Variants in XDH observed in about 807,000 individuals in gnomAD.
XDH encodes xanthine dehydrogenase.
A neutral mutation model predicts 156.1 loss-of-function variants in XDH; 138 were observed. That is an observed-to-expected ratio of 0.88 (90% CI 0.77 to 1.02). The LOEUF (loss-of-function observed/expected upper bound fraction) is 1.02, where lower values mean the gene tolerates loss of function less well. Among genes scored for constraint, XDH ranks in the 50% least tolerant of loss-of-function variants. The pLI is 0.00. For synonymous variants in XDH, 669 were observed against 625.7 expected (o/e 1.07, Z -1.03); for missense variants, 1,849 against 1,684.9 (o/e 1.10, Z -1.71).
At chr2:31,364,270 T>C in intron 23 of XDH, 26 bp from the exon 24 acceptor site, 3 of 1,600,474 alleles carry the variant, frequency 1.9e-6, no homozygotes, top group Non-Finnish European at 2.6e-6. Context: ...AGGAGAGGGA[T>C]TTATCATAAG....
At chr2:31,398,797 G>C in intron 4 of XDH, 98 bp from the exon 5 acceptor site, 1 of 1,581,626 alleles carries the variant, frequency 6.3e-7, no homozygotes, top group South Asian at 1.1e-5. Flanking sequence ...GAGATAGTGG[G>C]GGTAGTAATC....
At chr2:31,336,962 G>A (rs555202934) in intron 35 of XDH, among the ~76,000 whole-genome samples, 5 of 150,202 alleles carry the variant, frequency 3.3e-5, no homozygotes, top group South Asian at 2.1e-4. Flanking sequence ...TCCCCAAAGC[G>A]GAAGCAACCG....
chr2:31,398,728 G>T, intron 4 of XDH, 29 bp from the exon 5 acceptor site: 1 of 1,612,630 alleles, frequency 6.2e-7, no homozygotes, highest in Non-Finnish European at 8.5e-7. Flanking sequence ...ATAGACACCT[G>T]GGATGGCAGA....
chr2:31,408,200 A>G (rs1407201281), intron 1 of XDH, among the ~76,000 whole-genome samples: 1 of 152,100 alleles, frequency 6.6e-6, no homozygotes, highest in African/African-American at 2.4e-5. Flanking sequence ...CTAAAAATAC[A>G]TTTTATATCT....
intron 35 of XDH, among the ~76,000 whole-genome samples, 155 bp from the exon 36 acceptor site, chr2:31,336,163 T>A (rs1684966701): frequency 6.6e-6 from 1 of 152,250 alleles, no homozygotes; most frequent in Non-Finnish European, 1.5e-5. Flanking sequence ...AGGGCAGGAC[T>A]CCTTAATTTC....
intron 18 of XDH, 128 bp downstream of exon 18, chr2:31,370,227 C>T (rs1386470232): frequency 9.0e-7 from 1 of 1,113,144 alleles, no homozygotes; most frequent in Middle Eastern, 2.9e-4. Flanking sequence ...GAATATGGGC[C>T]AACTGGATGA....
Position 31,339,677 on chromosome 2 carries a change from C to A in XDH, c.3586G>T (p.Val1196Leu), listed in dbSNP as rs763189395. 1.2e-6 allele frequency: 2 copies of A among 1,613,942 alleles called. No homozygotes were observed. The highest frequency in any genetic ancestry group is 8.5e-7 in the Non-Finnish European group (1 of 1,180,006). The change falls in exon 34 of 36, where the codon GTG becomes TTG. Residue 1196 changes from valine to leucine, a missense_variant and splice_region_variant. Coordinates refer to ENST00000379416, the MANE Select transcript of XDH (RefSeq NM_000379.4). Reference sequence around the variant, plus strand: ...AGGCCCTGGACAAATGCCCCTTCCACCTGCAGGATGGATGGAGAGCACAGT... The same window carrying A: ...AGGCCCTGGACAAATGCCCCTTCCAACTGCAGGATGGATGGAGAGCACAGT... ...SLNPAIDIGQVEGAFVQGLGL... is the reference protein window; with the variant it reads ...SLNPAIDIGQLEGAFVQGLGL...
intron 17 of XDH, among the ~76,000 whole-genome samples, chr2:31,371,366 T>C (rs1686066892): frequency 1.3e-5 from 2 of 152,196 alleles, no homozygotes; most frequent in South Asian, 4.1e-4. Flanking sequence ...AGTTAGGTAG[T>C]TTTTCCAAAG....
intron 3 of XDH, among the ~76,000 whole-genome samples, chr2:31,401,555 G>C (rs920262417): frequency 5.9e-5 from 9 of 152,190 alleles, no homozygotes; most frequent in Non-Finnish European, 1.2e-4. Context: ...AGAGTACTGT[G>C]GGATCAGGCA....
At chr2:31,397,755 T>A (rs1477744422) in intron 5 of XDH, 26 bp from the exon 6 acceptor site, 1 of 1,613,996 alleles carries the variant, frequency 6.2e-7, no homozygotes. Flanking sequence ...AAAACTGCAA[T>A]GTCAGTGCAG....
At chr2:31,408,198 A>G (rs1354168474) in intron 1 of XDH, among the ~76,000 whole-genome samples, 1 of 152,172 alleles carries the variant, frequency 6.6e-6, no homozygotes, top group Admixed American at 6.5e-5. Flanking sequence ...CACTAAAAAT[A>G]CATTTTATAT....
In XDH at chr2:31,347,554, C is replaced by G. The variant is rs755593330; in HGVS notation, c.3244G>C (p.Val1082Leu). 1.9e-6 allele frequency: 3 copies of G among 1,614,162 alleles called. No individual in the cohort carries two copies. In the East Asian group the frequency reaches 6.7e-5, roughly 36 times the overall value. Residue 1082 changes from valine to leucine, a missense_variant, in exon 29 of 36, where the codon GTC becomes CTC. Coordinates refer to ENST00000379416, the MANE Select transcript of XDH (RefSeq NM_000379.4). ...GCCTGTCCATTGAGGTCAGCGCTGA[C>G]AGAGGCAGCCGTGGGAGAGGTGTTG... ...VPNTSPTAAS[V>L]SADLNGQAVY... is the part of the protein sequence containing the mutation.
At chr2:31,362,604 A>G (rs1685805418) in intron 24 of XDH, among the ~76,000 whole-genome samples, 1 of 152,248 alleles carries the variant, frequency 6.6e-6, no homozygotes, top group African/African-American at 2.4e-5. Context: ...TAATTCCTAA[A>G]GTAATTTACT....
Position 31,335,622 on chromosome 2 carries a change from C to G in XDH, c.*336G>C, listed in dbSNP as rs1684952184. 2.4e-6 allele frequency: 1 copy of G among 422,020 alleles called. No individual in the cohort carries two copies. Among genetic ancestry groups the G allele is most frequent in the Non-Finnish European group, 4.4e-6 (1 of 225,586 alleles). 26.1% of individuals were successfully genotyped at this position (422,020 alleles called of 1,614,324 possible). ...ATCCTCTTCAAAGGACAGACACCAT[C>G]AGAACTTGAGGTTATACAGGCTGTC... is the stretch of plus-strand genomic sequence containing the variant. On this transcript the variant is annotated 3_prime_UTR_variant, in exon 36 of 36. Transcript: ENST00000379416.
intron 33 of XDH, among the ~76,000 whole-genome samples, chr2:31,340,931 A>G (rs207444): frequency 0.97 from 147,044 of 152,256 alleles, 71,023 homozygotes; most frequent in East Asian, 1. Flanking sequence ...AAGCTGTCCT[A>G]GGTGGAGGAG....
intron 9 of XDH, among the ~76,000 whole-genome samples, chr2:31,384,631 A>G (rs1384088575): frequency 2.6e-5 from 4 of 152,194 alleles, no homozygotes. Context: ...CCAACAGTGT[A>G]TAGATGGAAA....
chr2:31,372,734 T>C (rs1399015140), intron 16 of XDH, among the ~76,000 whole-genome samples: 8 of 152,222 alleles, frequency 5.3e-5, no homozygotes, highest in Admixed American at 3.9e-4. Context: ...GGATTGTTCA[T>C]GCAAGCATAA....
intron 24 of XDH, among the ~76,000 whole-genome samples, chr2:31,356,659 C>T (rs1049328153): frequency 9.2e-5 from 14 of 152,192 alleles, no homozygotes; most frequent in Admixed American, 5.9e-4. Flanking sequence ...TGATTTCAGA[C>T]TTCTGGCCTC....
chr2:31,343,524 C>G, intron 31 of XDH, among the ~76,000 whole-genome samples: 1 of 85,346 alleles, frequency 1.2e-5, no homozygotes, highest in African/African-American at 5.5e-5. Flanking sequence ...ATAAAGCATA[C>G]ATATATGTAT....
Sources: allele counts gnomAD v4.1 joint callset (sites outside exome capture counted in the v4.1 genomes callset), GRCh38; gene constraint gnomAD v4.1.1; transcripts MANE v1.5; gene names NCBI Gene and HGNC (gene_info 2026-07-23, HGNC 2026-07-21).